The following EBF1 variants were observed in gnomAD, a reference collection of about 807,000 sequenced individuals.
The protein encoded by EBF1 is transcription factor COE1.
EBF1 carries 10 observed loss-of-function variants against 68.4 expected under a neutral mutation model. The observed-to-expected ratio is 0.15, with a 90% CI of 0.09 to 0.25. The LOEUF (loss-of-function observed/expected upper bound fraction) is 0.25. EBF1 is among the 10% of genes least tolerant of loss of function. The pLI is 1.00. For synonymous variants in EBF1, 298 were observed against 299.8 expected, an observed-to-expected ratio of 0.99 and a Z score of 0.06; for missense variants, 509 against 794.4, an observed-to-expected ratio of 0.64 and a Z score of 4.32.
chr5:158,904,236 C>T (rs1415628960), intron 6 of EBF1, among the ~76,000 whole-genome samples: 1 of 152,220 alleles, frequency 6.6e-6, no homozygotes, highest in African/African-American at 2.4e-5. Flanking sequence ...ATAGTACCTA[C>T]TCACAGTGCC....
intron 10 of EBF1, among the ~76,000 whole-genome samples, 183 bp from the exon 11 acceptor site, chr5:158,731,340 C>A (rs533890731): frequency 6.6e-6 from 1 of 152,142 alleles, no homozygotes; most frequent in Non-Finnish European, 1.5e-5. Context: ...CTTTATACCA[C>A]GGTGGGGAGT....
rs549795150 is a variant in EBF1 at position 158,826,242 on chromosome 5, A to G, written c.637-2925T>C. Among the ~76,000 whole-genome samples the G allele has an allele frequency of 5.4e-4, 80 of 148,830 alleles. 1 individual carries two copies. Among genetic ancestry groups the G allele is most frequent in the Admixed American group, 5.4e-3 (80 of 14,884 alleles). On this transcript the variant is annotated intron_variant, in intron 7 of 15. Coordinates refer to ENST00000313708, the MANE Select transcript of EBF1 (RefSeq NM_024007.5). ...AGATGATGAGAATACGAAGGAAAAG[A>G]TATGTTTAGAATTTCACGATATCTG...
chr5:159,088,586 T>C (rs536171585), intron 4 of EBF1, among the ~76,000 whole-genome samples: 37 of 152,266 alleles, frequency 2.4e-4, no homozygotes, highest in African/African-American at 8.4e-4. Flanking sequence ...GCATTGGCTA[T>C]TTTAAGTGAA....
In EBF1 at chr5:158,818,913, G is replaced by A. The variant is rs140240142; in HGVS notation, c.778+4263C>T. 6.6e-3 allele frequency among the ~76,000 whole-genome samples: 977 copies of A among 147,442 alleles called. 3 individuals carry two copies. Among genetic ancestry groups the A allele is most frequent in the Admixed American group, 0.013 (197 of 14,852 alleles). On this transcript the variant is annotated intron_variant, in intron 8 of 15. Transcript: ENST00000313708. ...TTTTTTCCAAATAAATATGAAGGAT[G>A]CACATATTCAAAACAATAACAAAAA...
At chr5:158,761,359 C>T (rs926485373) in intron 10 of EBF1, among the ~76,000 whole-genome samples, 1 of 152,200 alleles carries the variant, frequency 6.6e-6, no homozygotes, top group Non-Finnish European at 1.5e-5. Context: ...TTAACATTAG[C>T]AGCGCCTACA....
intron 6 of EBF1, among the ~76,000 whole-genome samples, chr5:158,932,412 A>T (rs1469539502): frequency 6.6e-6 from 1 of 152,208 alleles, no homozygotes. Context: ...TCATATTCAT[A>T]AATTTCAATG....
intron 10 of EBF1, among the ~76,000 whole-genome samples, chr5:158,769,734 A>C (rs6863275): frequency 0.085 from 12,852 of 152,094 alleles, 608 homozygotes; most frequent in South Asian, 0.11. Context: ...GAACAAAAAA[A>C]AAAGGAGAGG....
chr5:159,045,251 G>A (rs1280798952), intron 6 of EBF1, among the ~76,000 whole-genome samples: 2 of 151,890 alleles, frequency 1.3e-5, no homozygotes, highest in African/African-American at 4.8e-5. Context: ...AAGAATCAGA[G>A]ATCTCAAGAA....
At chr5:159,095,054 A>T (rs1782342450) in intron 4 of EBF1, among the ~76,000 whole-genome samples, 1 of 152,204 alleles carries the variant, frequency 6.6e-6, no homozygotes, top group South Asian at 2.1e-4. Context: ...AGGCAAAAGC[A>T]GGAGGGTTTT....
At chr5:159,096,908 C>A in intron 2 of EBF1, 66 bp downstream of exon 2, 1 of 1,576,758 alleles carries the variant, frequency 6.3e-7, no homozygotes, top group Non-Finnish European at 8.6e-7. Context: ...GCGCGCTGCC[C>A]AAGGCTCCCG....
At chr5:158,900,749 T>A (rs1333040081) in intron 6 of EBF1, among the ~76,000 whole-genome samples, 1 of 152,222 alleles carries the variant, frequency 6.6e-6, no homozygotes, top group East Asian at 1.9e-4. Flanking sequence ...CTAGGTACTT[T>A]ACAAGCCTCA....
intron 6 of EBF1, among the ~76,000 whole-genome samples, chr5:158,896,971 C>G (rs1479119275): frequency 6.6e-6 from 1 of 152,088 alleles, no homozygotes; most frequent in Non-Finnish European, 1.5e-5. Flanking sequence ...AATTTGGGTC[C>G]CTTGATTTCA....
At position 158,864,191 on chromosome 5, in the gene EBF1, T is replaced by C. The variant is rs574868114; in HGVS notation, c.555-24081A>G. Among the ~76,000 whole-genome samples, 7 of 121,786 alleles carry C rather than the reference T, an allele frequency of 5.7e-5. No individual in the cohort carries two copies. The Admixed American group carries it at 6.7e-4, about 12-fold the overall frequency. 79.9% of individuals were successfully genotyped at this position (121,786 alleles called of 152,430 possible). A position where few individuals can be genotyped will look rare whatever the true frequency, so the allele number is the denominator to read the frequency against. ...GTGAGCCAAGATCATGCCACTGCAC[T>C]CCAGCCTGGGTGACAGAGCAAGACT... On this transcript the variant is annotated intron_variant, in intron 6 of 15. Coordinates refer to ENST00000313708, the MANE Select transcript of EBF1 (RefSeq NM_024007.5).
chr5:158,976,764 A>G (rs1459007090), intron 6 of EBF1, among the ~76,000 whole-genome samples: 1 of 152,218 alleles, frequency 6.6e-6, no homozygotes, highest in Non-Finnish European at 1.5e-5. Flanking sequence ...TTCAAGCACT[A>G]TTACCTTAAC....
chr5:158,998,022 C>T (rs1482858825), intron 6 of EBF1, among the ~76,000 whole-genome samples: 1 of 152,176 alleles, frequency 6.6e-6, no homozygotes, highest in African/African-American at 2.4e-5. Context: ...TTCTGAAAGG[C>T]TCAATTCAGG....
intron 10 of EBF1, among the ~76,000 whole-genome samples, chr5:158,736,493 AAAG>A (rs1765220270): frequency 6.6e-6 from 1 of 152,240 alleles, no homozygotes; most frequent in Non-Finnish European, 1.5e-5. Flanking sequence ...CTGGAAATAA[AAAG>A]AAATGCAGAT....
chr5:158,810,931 G>A (rs575873167), intron 8 of EBF1, among the ~76,000 whole-genome samples: 117 of 152,206 alleles, frequency 7.7e-4, no homozygotes, highest in African/African-American at 2.5e-3. Context: ...TCTCCCAGCC[G>A]ACTTGCCCAC....
intron 6 of EBF1, among the ~76,000 whole-genome samples, chr5:158,985,284 C>A (rs901491015): frequency 6.6e-6 from 1 of 152,158 alleles, no homozygotes; most frequent in African/African-American, 2.4e-5. Context: ...AGCTTTGGGA[C>A]CATGTGAAAG....
At chr5:158,914,113 G>C (rs1035783777) in intron 6 of EBF1, among the ~76,000 whole-genome samples, 12 of 152,156 alleles carry the variant, frequency 7.9e-5, no homozygotes, top group African/African-American at 2.9e-4. Flanking sequence ...CACACCAGCT[G>C]TTTAAAAAGC....
Sources: gnomAD v4.1 joint callset for allele counts (sites outside exome capture counted in the v4.1 genomes callset) on GRCh38, gnomAD v4.1.1 for gene constraint, MANE v1.5 for transcripts, NCBI Gene and HGNC (gene_info 2026-07-23, HGNC 2026-07-21) for gene names.